KLF16: variants seen among roughly 807,000 people sequenced by gnomAD.
The protein encoded by KLF16 is KLF transcription factor 16.
Under a neutral mutation model 6.1 loss-of-function variants are expected in KLF16, and 6 were observed. The observed-to-expected ratio is 0.98, with a 90% CI of 0.54 to 1.93. The LOEUF is 1.93. KLF16 is among the 30% of genes most tolerant of loss of function. KLF16 has a pLI of 0.01. For missense variants in KLF16, 355 were observed against 363.8 expected (o/e 0.98, Z 0.20); for synonymous variants, 211 against 176.5 (o/e 1.20, Z -1.55).
At position 1,856,963 on chromosome 19, in the gene KLF16, G is replaced by A. The variant is rs867866621; in HGVS notation, c.458-2203C>T. Among the ~76,000 whole-genome samples, 12 of 117,468 alleles carry A rather than the reference G, an allele frequency of 1.0e-4. 2 individuals are homozygous for A. Among genetic ancestry groups the A allele is most frequent in the Non-Finnish European group, 1.3e-4 (8 of 59,970 alleles). 77.1% of individuals were successfully genotyped at this position (117,468 alleles called of 152,430 possible). A position where few individuals can be genotyped will look rare whatever the true frequency, so the allele number is the denominator to read the frequency against. The stretch of plus-strand genomic sequence containing the variant: ...GGAGCAGGTTGCCGGGGTGGGGGGG[G>A]CGACCGGGGCAGGGGCGCGCAGCCG... On this transcript the variant is annotated intron_variant, in intron 1 of 1. Transcript: ENST00000250916.
chr19:1,858,859 C>T (rs535837667), intron 1 of KLF16, among the ~76,000 whole-genome samples: 3 of 152,198 alleles, frequency 2.0e-5, no homozygotes, highest in Admixed American at 6.5e-5. Context: ...TGGTGCCCCC[C>T]GCCCCCACAG....
intron 1 of KLF16, among the ~76,000 whole-genome samples, chr19:1,855,035 A>C (rs1315378212): frequency 6.6e-6 from 1 of 152,166 alleles, no homozygotes; most frequent in Admixed American, 6.5e-5. Flanking sequence ...AACCGTAAGT[A>C]ACCGCCGCAG....
the KLF16 span, among the ~76,000 whole-genome samples, chr19:1,870,248 A>T: frequency 2.7e-4 from 41 of 152,184 alleles, no homozygotes; most frequent in African/African-American, 9.9e-4. Context: ...CTTTTTAAAC[A>T]AATATGAAAA....
At chr19:1,874,342 C>T in the KLF16 span, among the ~76,000 whole-genome samples, 14 of 152,226 alleles carry the variant, frequency 9.2e-5, no homozygotes, top group South Asian at 2.1e-3. Flanking sequence ...CCCAAATCTA[C>T]TTGCCATAAA....
In KLF16 at chr19:1,863,566, G is replaced by T. The variant is rs1244995900; in HGVS notation, c.-69C>A. Reference sequence around the variant, plus strand: ...GGGAGCGGCGTCCGTCCGGCCGGCGGCGGCTGCTCGAGTGCGGGAGGCGGA... The same window carrying T: ...GGGAGCGGCGTCCGTCCGGCCGGCGTCGGCTGCTCGAGTGCGGGAGGCGGA... On this transcript the variant is annotated 5_prime_UTR_variant, in exon 1 of 2. Coordinates refer to ENST00000250916, the MANE Select transcript of KLF16 (RefSeq NM_031918.4). 7 of 804,698 alleles carry T rather than the reference G, an allele frequency of 8.7e-6. No homozygotes were observed. In the African/African-American group the frequency reaches 1.3e-4, roughly 15 times the overall value. 49.8% of individuals were successfully genotyped at this position (804,698 alleles called of 1,614,324 possible). A position where few individuals can be genotyped will look rare whatever the true frequency, so the allele number is the denominator to read the frequency against.
At position 1,854,884 on chromosome 19, in the gene KLF16, G is replaced by C. The variant is rs1000431345; in HGVS notation, c.458-124C>G. Reference sequence around the variant, plus strand: ...GTGCCGTTTTAGAGGCTGAGCTCTGGTGTGAGTTCAAAACATGGAGAAGCA... The same window carrying C: ...GTGCCGTTTTAGAGGCTGAGCTCTGCTGTGAGTTCAAAACATGGAGAAGCA... On this transcript the variant is annotated intron_variant, in intron 1 of 1. Transcript: ENST00000250916. 2.1e-5 allele frequency: 22 copies of C among 1,025,678 alleles called. No homozygotes were observed. The African/African-American group carries it at 3.7e-4, about 17-fold the overall frequency. The allele number at this position is 1,025,678 out of a possible 1,614,324, so 63.5% of individuals were successfully genotyped here.
the KLF16 span, among the ~76,000 whole-genome samples, chr19:1,871,906 A>G: frequency 2.0e-5 from 3 of 152,098 alleles, no homozygotes; most frequent in Non-Finnish European, 4.4e-5. Context: ...GGTGGGCAGC[A>G]GGGGCAGGAT....
the KLF16 span, chr19:1,875,220 G>A: frequency 6.6e-6 from 1 of 152,168 alleles, no homozygotes; most frequent in African/African-American, 2.4e-5. Flanking sequence ...GTTTGTACAA[G>A]CAATAGTCAA....
chr19:1,871,435 T>C, the KLF16 span, among the ~76,000 whole-genome samples: 1 of 151,976 alleles, frequency 6.6e-6, no homozygotes, highest in Non-Finnish European at 1.5e-5. Context: ...GACCCTGACC[T>C]CTCCCGGTGA....
chr19:1,874,407 T>C, the KLF16 span, among the ~76,000 whole-genome samples: 1 of 151,936 alleles, frequency 6.6e-6, no homozygotes, highest in Non-Finnish European at 1.5e-5. Context: ...GTTGGGACAA[T>C]TTGTGGAAAA....
the KLF16 span, among the ~76,000 whole-genome samples, chr19:1,869,613 T>G: frequency 6.6e-6 from 1 of 152,154 alleles, no homozygotes; most frequent in Non-Finnish European, 1.5e-5. Context: ...AAAAAATGTT[T>G]TATTATTGTC....
intron 1 of KLF16, among the ~76,000 whole-genome samples, chr19:1,858,417 T>C (rs1202775765): frequency 6.6e-6 from 1 of 152,188 alleles, no homozygotes; most frequent in African/African-American, 2.4e-5. Context: ...TCTCTGTCTT[T>C]GTACCAGGCT....
chr19:1,864,045 G>GCGCCCCGCCCCATCCCGGCA (rs2012137920), upstream of KLF16, among the ~76,000 whole-genome samples: 1 of 143,090 alleles, frequency 7.0e-6, no homozygotes, highest in African/African-American at 2.6e-5. Flanking sequence ...TTCCGAGAGC[G>GCGCCCCGCCCCATCCCGGCA]CGCCCCGCCC....
the KLF16 span, among the ~76,000 whole-genome samples, chr19:1,874,644 G>C: frequency 7.2e-6 from 1 of 138,654 alleles, no homozygotes; most frequent in Non-Finnish European, 1.6e-5. Flanking sequence ...TTAGCTTAAA[G>C]AAAAAAATAC....
chr19:1,866,385 C>T (rs967164038), upstream of KLF16, among the ~76,000 whole-genome samples: 4 of 151,796 alleles, frequency 2.6e-5, no homozygotes, highest in East Asian at 1.9e-4. Flanking sequence ...CCGAGGCAGG[C>T]GGATGACCTG....
At chr19:1,872,545 G>A in the KLF16 span, among the ~76,000 whole-genome samples, 26 of 152,208 alleles carry the variant, frequency 1.7e-4, no homozygotes, top group Admixed American at 5.2e-4. Flanking sequence ...TCCCAGAGTC[G>A]CGCTCTTATC....
At chr19:1,866,499 A>G (rs1299619641), upstream of KLF16, among the ~76,000 whole-genome samples, 2 of 152,132 alleles carry the variant, frequency 1.3e-5, no homozygotes, top group Non-Finnish European at 2.9e-5. Flanking sequence ...CTGTAATCCC[A>G]GCTACTCAGG....
intron 1 of KLF16, chr19:1,860,558 T>C (rs1296350693): frequency 6.6e-6 from 1 of 152,170 alleles, no homozygotes; most frequent in Admixed American, 6.5e-5. Flanking sequence ...GGGGTGGAAC[T>C]CGTTCTCAAT....
chr19:1,856,042 C>A (rs1027098310), intron 1 of KLF16, among the ~76,000 whole-genome samples: 1 of 152,174 alleles, frequency 6.6e-6, no homozygotes, highest in African/African-American at 2.4e-5. Flanking sequence ...GGTAGTCACC[C>A]GGTGGGTTAC....
Sources: allele counts gnomAD v4.1 joint callset (sites outside exome capture counted in the v4.1 genomes callset), GRCh38; gene constraint gnomAD v4.1.1; transcripts MANE v1.5; gene names NCBI Gene and HGNC (gene_info 2026-07-23, HGNC 2026-07-21).